The following ARMH3 variants were observed in gnomAD, a reference collection of about 807,000 sequenced individuals.
ARMH3 encodes the protein armadillo like helical domain containing 3, also known as armadillo-like helical domain-containing protein 3.
ARMH3 carries 60 observed loss-of-function variants against 99.1 expected under a neutral mutation model. The observed-to-expected ratio is 0.61, with a 90% CI of 0.49 to 0.75. The LOEUF is 0.75. Ranked by LOEUF, ARMH3 falls within the 30% of genes least tolerant of loss-of-function variation. The pLI is 0.00. For missense variants in ARMH3, 679 were observed against 843.1 expected (o/e 0.81, Z 2.41); for synonymous variants, 285 against 292.8 (o/e 0.97, Z 0.27).
At chr10:101,877,128 C>T (rs926251436) in intron 24 of ARMH3, among the ~76,000 whole-genome samples, 2 of 151,910 alleles carry the variant, frequency 1.3e-5, no homozygotes, top group African/African-American at 2.4e-5. Flanking sequence ...ACAGTGAGAC[C>T]CTATCTCTAC....
intron 24 of ARMH3, among the ~76,000 whole-genome samples, chr10:101,865,803 C>T (rs1276673461): frequency 6.6e-6 from 1 of 151,722 alleles, no homozygotes; most frequent in African/African-American, 2.4e-5. Flanking sequence ...GTAATATTTT[C>T]ATAGCCATCT....
intron 1 of ARMH3, among the ~76,000 whole-genome samples, chr10:102,045,771 A>G (rs1461185997): frequency 6.6e-6 from 1 of 152,164 alleles, no homozygotes; most frequent in Admixed American, 6.6e-5. Flanking sequence ...TTACTGATAC[A>G]TGAAGCAATG....
chr10:102,027,809 A>G (rs1024686934), intron 5 of ARMH3, among the ~76,000 whole-genome samples: 2 of 151,722 alleles, frequency 1.3e-5, no homozygotes, highest in Non-Finnish European at 2.9e-5. Flanking sequence ...TTATATATTA[A>G]TAACTTTTTT....
At chr10:102,011,908 T>C in intron 10 of ARMH3, 125 bp from the exon 11 acceptor site, 1 of 698,154 alleles carries the variant, frequency 1.4e-6, no homozygotes, top group Non-Finnish European at 2.4e-6. Context: ...TAAAGCATTA[T>C]GACAATCAAG....
At chr10:102,006,305 A>G (rs1346210087) in intron 14 of ARMH3, among the ~76,000 whole-genome samples, 1 of 152,096 alleles carries the variant, frequency 6.6e-6, no homozygotes, top group African/African-American at 2.4e-5. Flanking sequence ...CTCTACAACT[A>G]CTCCCTGAGG....
intron 19 of ARMH3, among the ~76,000 whole-genome samples, chr10:101,976,749 G>A (rs1290532798): frequency 6.6e-6 from 1 of 151,936 alleles, no homozygotes; most frequent in Non-Finnish European, 1.5e-5. Flanking sequence ...TAAAAAATTA[G>A]CTGGGCATGG....
intron 24 of ARMH3, among the ~76,000 whole-genome samples, chr10:101,887,815 C>T (rs188859619): frequency 2.6e-5 from 4 of 151,956 alleles, no homozygotes; most frequent in African/African-American, 9.7e-5. Flanking sequence ...CCATTGAAAT[C>T]GCTTCGTCTC....
chr10:101,953,869 T>C (rs541890085), intron 22 of ARMH3, among the ~76,000 whole-genome samples: 18 of 152,200 alleles, frequency 1.2e-4, no homozygotes, highest in African/African-American at 4.3e-4. Context: ...CAAAATCCCA[T>C]TGCTAGGTAC....
chr10:101,884,503 G>A (rs2067493193), intron 24 of ARMH3, among the ~76,000 whole-genome samples: 1 of 152,186 alleles, frequency 6.6e-6, no homozygotes, highest in Non-Finnish European at 1.5e-5. Flanking sequence ...TAAACTATGA[G>A]TAGTTTCATA....
intron 24 of ARMH3, among the ~76,000 whole-genome samples, chr10:101,872,432 C>G (rs1401606481): frequency 6.6e-6 from 1 of 152,178 alleles, no homozygotes; most frequent in Non-Finnish European, 1.5e-5. Flanking sequence ...CACAGTGGCT[C>G]ATGTCTGTAA....
At chr10:101,995,055 A>G (rs1230234833) in intron 16 of ARMH3, among the ~76,000 whole-genome samples, 1 of 152,066 alleles carries the variant, frequency 6.6e-6, no homozygotes, top group Non-Finnish European at 1.5e-5. Flanking sequence ...AAACAAACAA[A>G]CTGCTCCACA....
At chr10:101,903,118 G>C (rs1301237363) in intron 23 of ARMH3, among the ~76,000 whole-genome samples, 1 of 152,192 alleles carries the variant, frequency 6.6e-6, no homozygotes, top group African/African-American at 2.4e-5. Flanking sequence ...AGTAATTAAA[G>C]AACTTTGTTT....
chr10:102,033,056 C>T lies in ARMH3; in HGVS notation c.276G>A (p.Glu92=). ...FQHCIQALGE[E]HPIRVVNALQ... ...ATGCATTGACAACCCGAATTGGATG[C>T]TCCTCTCCCAGAGCCTGGATGCAGT... Residue 92 remains glutamate (E), a synonymous_variant, in exon 4 of 26, where the codon GAG becomes GAA. Coordinates refer to ENST00000370033, the MANE Select transcript of ARMH3 (RefSeq NM_024541.3). The T allele has an allele frequency of 6.2e-7, 1 of 1,614,186 alleles. No individual in the cohort carries two copies. The highest frequency in any genetic ancestry group is 8.5e-7 in the Non-Finnish European group (1 of 1,180,034).
At chr10:101,947,906 G>T (rs905185489) in intron 22 of ARMH3, among the ~76,000 whole-genome samples, 1 of 151,724 alleles carries the variant, frequency 6.6e-6, no homozygotes, top group African/African-American at 2.4e-5. Context: ...GACTGCAAAA[G>T]GTACATACAA....
chr10:101,963,565 C>G (rs1371257755), intron 20 of ARMH3, among the ~76,000 whole-genome samples: 1 of 152,148 alleles, frequency 6.6e-6, no homozygotes, highest in African/African-American at 2.4e-5. Flanking sequence ...GCCACTGTGC[C>G]TGGCCTATTT....
At chr10:102,038,270 A>G (rs1371495863) in intron 2 of ARMH3, among the ~76,000 whole-genome samples, 4 of 151,206 alleles carry the variant, frequency 2.6e-5, no homozygotes, top group African/African-American at 4.9e-5. Context: ...AATTTTTTGT[A>G]TTTTTAGTAG....
intron 19 of ARMH3, among the ~76,000 whole-genome samples, chr10:101,982,114 C>T (rs978986174): frequency 7.3e-5 from 11 of 150,310 alleles, no homozygotes; most frequent in Admixed American, 6.6e-4. Context: ...GGTATAGTGG[C>T]TCACACCTGT....
chr10:101,998,728 TC>T (rs1357545986), intron 15 of ARMH3, among the ~76,000 whole-genome samples: 3 of 152,228 alleles, frequency 2.0e-5, no homozygotes, highest in African/African-American at 7.2e-5. Flanking sequence ...TTCTTGCCTT[TC>T]AGCTCCATTC....
At chr10:102,050,699 T>C (rs2067680305) in intron 1 of ARMH3, among the ~76,000 whole-genome samples, 1 of 149,252 alleles carries the variant, frequency 6.7e-6, no homozygotes, top group African/African-American at 2.5e-5. Context: ...CTCTACTAAA[T>C]ATACAAAAAT....
Sources: gnomAD v4.1 joint callset for allele counts (sites outside exome capture counted in the v4.1 genomes callset) on GRCh38, gnomAD v4.1.1 for gene constraint, MANE v1.5 for transcripts, NCBI Gene and HGNC (gene_info 2026-07-23, HGNC 2026-07-21) for gene names.